The following SLMAP variants were observed in gnomAD, a reference collection of about 807,000 sequenced individuals.
SLMAP encodes the protein sarcolemmal membrane-associated protein.
In SLMAP, 44 loss-of-function variants were observed where a neutral mutation model predicts 128.8. The observed-to-expected ratio is 0.34, with a 90% CI of 0.27 to 0.44. The LOEUF (loss-of-function observed/expected upper bound fraction) is 0.44, where lower values mean the gene tolerates loss of function less well. Among genes scored for constraint, SLMAP ranks in the 20% least tolerant of loss-of-function variants. The pLI is 1.00. For synonymous variants in SLMAP, 327 were observed against 348.8 expected (o/e 0.94, Z 0.70); for missense variants, 787 against 985.3 (o/e 0.80, Z 2.69).
intron 17 of SLMAP, 58 bp downstream of exon 17, chr3:57,896,990 T>A: frequency 6.2e-7 from 1 of 1,608,840 alleles, no homozygotes; most frequent in African/African-American, 1.3e-5. Flanking sequence ...CCCTTTGCCA[T>A]AAAATCTGTT....
chr3:57,840,323 A>G (rs1188350079), intron 3 of SLMAP, among the ~76,000 whole-genome samples: 2 of 152,250 alleles, frequency 1.3e-5, no homozygotes, highest in African/African-American at 4.8e-5. Flanking sequence ...TTTTACATGT[A>G]CAATTCAGTG....
Position 57,896,580 on chromosome 3 carries a change from A to G in SLMAP, c.1430A>G (p.Asp477Gly). The G allele has an allele frequency of 6.2e-7, 1 of 1,609,402 alleles. No homozygotes were observed. The highest frequency in any genetic ancestry group is 8.5e-7 in the Non-Finnish European group (1 of 1,177,684). The change falls in exon 16 of 25, where the codon GAC becomes GGC. Residue 477 changes from aspartate (D) to glycine (G), a missense_variant. Physicochemically the swap from Asp to Gly is moderately conservative, Grantham distance 94. Around this residue, in one of 2 missense-constraint regions of SLMAP, gnomAD observed 715 missense variants for 843.6 expected, o/e 0.85. Coordinates refer to ENST00000671191, the MANE Select transcript of SLMAP (RefSeq NM_001377540.1). ...AGTCCAAGCAAGGAAAAAAGCAGTG[A>G]CGACACTACAGGTGAGTTTTAACCT... The part of the protein sequence containing the change: ...TLSPSKEKSS[D>G]DTTDAQMDEQ...
intron 4 of SLMAP, among the ~76,000 whole-genome samples, chr3:57,842,583 A>G (rs1331125865): frequency 6.6e-6 from 1 of 152,138 alleles, no homozygotes; most frequent in Non-Finnish European, 1.5e-5. Context: ...TTTTTCTTTC[A>G]TGCAGTTTGA....
chr3:57,859,767 T>C (rs1376810832), intron 8 of SLMAP, among the ~76,000 whole-genome samples: 1 of 152,132 alleles, frequency 6.6e-6, no homozygotes, highest in Non-Finnish European at 1.5e-5. Flanking sequence ...CAATATACAC[T>C]ACTCAGGTAA....
chr3:57,830,703 A>G (rs551938760), intron 2 of SLMAP, among the ~76,000 whole-genome samples: 1 of 152,214 alleles, frequency 6.6e-6, no homozygotes, highest in Non-Finnish European at 1.5e-5. Context: ...CATCATCTCA[A>G]AAAGAAACCT....
intron 2 of SLMAP, among the ~76,000 whole-genome samples, chr3:57,819,701 G>A (rs561500694): frequency 2.0e-5 from 3 of 152,088 alleles, no homozygotes; most frequent in Admixed American, 6.6e-5. Context: ...ATGTGATCAC[G>A]GGTACTTCCT....
chr3:57,853,118 G>C (rs575750003), intron 6 of SLMAP, among the ~76,000 whole-genome samples: 1 of 152,304 alleles, frequency 6.6e-6, no homozygotes, highest in East Asian at 1.9e-4. Context: ...AGATTCTAAA[G>C]ATATGGTTGG....
At chr3:57,812,220 C>T (rs1442051553) in intron 2 of SLMAP, among the ~76,000 whole-genome samples, 1 of 152,136 alleles carries the variant, frequency 6.6e-6, no homozygotes, top group African/African-American at 2.4e-5. Flanking sequence ...ACATTTAGAT[C>T]ATTGATCCAT....
chr3:57,869,036 AATATATATT>A (rs1160827116), intron 13 of SLMAP, among the ~76,000 whole-genome samples: 39 of 138,684 alleles, frequency 2.8e-4, no homozygotes, highest in African/African-American at 6.4e-4. Context: ...TTATATATAT[AATATATATT>A]ATATATATTA....
chr3:57,815,230 A>C (rs2091682651), intron 2 of SLMAP, among the ~76,000 whole-genome samples: 1 of 152,126 alleles, frequency 6.6e-6, no homozygotes, highest in South Asian at 2.1e-4. Flanking sequence ...ATCTGACAGG[A>C]AGTGGCGCTC....
At chr3:57,824,531 G>T (rs997174158) in intron 2 of SLMAP, among the ~76,000 whole-genome samples, 3 of 152,102 alleles carry the variant, frequency 2.0e-5, no homozygotes, top group Non-Finnish European at 4.4e-5. Context: ...TTTCCTCATT[G>T]AATGGACTTT....
intron 10 of SLMAP, among the ~76,000 whole-genome samples, chr3:57,862,757 T>TGTAA (rs2095146030): frequency 6.6e-6 from 1 of 152,154 alleles, no homozygotes; most frequent in African/African-American, 2.4e-5. Flanking sequence ...GAAAGCAGGA[T>TGTAA]GTAGGTGGTA....
At chr3:57,768,230 A>G (rs1029856750) in intron 2 of SLMAP, among the ~76,000 whole-genome samples, 4 of 152,180 alleles carry the variant, frequency 2.6e-5, no homozygotes, top group East Asian at 1.9e-4. Flanking sequence ...CAAGTATACA[A>G]TTTGGGTTGG....
intron 14 of SLMAP, among the ~76,000 whole-genome samples, chr3:57,887,115 T>G (rs1271134301): frequency 6.6e-6 from 1 of 151,962 alleles, no homozygotes; most frequent in Non-Finnish European, 1.5e-5. Flanking sequence ...CACTGAGGAA[T>G]ATGAAATTTA....
chr3:57,791,683 C>CT (rs948253893), intron 2 of SLMAP, among the ~76,000 whole-genome samples: 44 of 150,798 alleles, frequency 2.9e-4, no homozygotes, highest in African/African-American at 6.8e-4. Flanking sequence ...CCAAAAATTG[C>CT]TTTTTTTTTG....
intron 14 of SLMAP, among the ~76,000 whole-genome samples, chr3:57,875,750 T>G (rs1439408917): frequency 6.6e-6 from 1 of 152,212 alleles, no homozygotes; most frequent in Non-Finnish European, 1.5e-5. Flanking sequence ...TCCTTAAATT[T>G]GGGTAACCAG....
At chr3:57,884,551 C>T (rs970196217) in intron 14 of SLMAP, among the ~76,000 whole-genome samples, 5 of 152,106 alleles carry the variant, frequency 3.3e-5, no homozygotes, top group African/African-American at 1.2e-4. Flanking sequence ...GTTTAAATAA[C>T]TTAAATAGCA....
At chr3:57,860,100 T>C (rs1299452467) in intron 8 of SLMAP, among the ~76,000 whole-genome samples, 1 of 152,190 alleles carries the variant, frequency 6.6e-6, no homozygotes, top group African/African-American at 2.4e-5. Flanking sequence ...CAGGCTGGTC[T>C]TGAACTCCTG....
intron 2 of SLMAP, among the ~76,000 whole-genome samples, chr3:57,823,656 T>A (rs893371750): frequency 2.6e-5 from 4 of 152,202 alleles, no homozygotes; most frequent in Non-Finnish European, 5.9e-5. Flanking sequence ...TCTTTGCTAT[T>A]GTGAATAGTG....
Sources: gnomAD v4.1 joint callset for allele counts (sites outside exome capture counted in the v4.1 genomes callset) on GRCh38, gnomAD v4.1.1 for gene constraint, gnomAD v4.1.1 regional missense constraint, MANE v1.5 for transcripts, NCBI Gene and HGNC (gene_info 2026-07-23, HGNC 2026-07-21) for gene names.